The following CAMK1D variants were observed in gnomAD, a reference collection of about 807,000 sequenced individuals.
CAMK1D encodes calcium/calmodulin-dependent protein kinase type 1D.
Under a neutral mutation model 47.7 loss-of-function variants are expected in CAMK1D, and 9 were observed. The observed-to-expected ratio is 0.19, with a 90% CI of 0.11 to 0.33. The LOEUF is 0.33. Ranked by LOEUF, CAMK1D falls within the 10% of genes least tolerant of loss-of-function variation. The pLI, the probability that CAMK1D is intolerant of heterozygous loss-of-function variation, is 1.00. For missense variants in CAMK1D, 291 were observed against 488.7 expected, an observed-to-expected ratio of 0.60 and a Z score of 3.81; for synonymous variants, 184 against 184.9, an observed-to-expected ratio of 0.99 and a Z score of 0.04.
At chr10:12,501,778 C>T (rs905244265) in intron 1 of CAMK1D, among the ~76,000 whole-genome samples, 3 of 152,118 alleles carry the variant, frequency 2.0e-5, no homozygotes, top group African/African-American at 7.2e-5. Flanking sequence ...AGCACAGCCT[C>T]CCCACCCTAA....
At chr10:12,809,961 C>T (rs1249920812) in intron 6 of CAMK1D, among the ~76,000 whole-genome samples, 1 of 151,542 alleles carries the variant, frequency 6.6e-6, no homozygotes, top group Non-Finnish European at 1.5e-5. Context: ...CAGCCTAGGC[C>T]ACATGGCAAA....
At chr10:12,670,708 C>G (rs977648714) in intron 3 of CAMK1D, among the ~76,000 whole-genome samples, 3 of 152,040 alleles carry the variant, frequency 2.0e-5, no homozygotes. Flanking sequence ...CCACCATGCC[C>G]AGCTATTTTT....
intron 2 of CAMK1D, among the ~76,000 whole-genome samples, chr10:12,616,939 T>C (rs1246155843): frequency 6.6e-6 from 1 of 152,154 alleles, no homozygotes; most frequent in Non-Finnish European, 1.5e-5. Context: ...GTGGCATTTA[T>C]TCGGTGAAGT....
At chr10:12,477,784 AG>A (rs372468091) in intron 1 of CAMK1D, among the ~76,000 whole-genome samples, 1 of 152,134 alleles carries the variant, frequency 6.6e-6, no homozygotes, top group African/African-American at 2.4e-5. Flanking sequence ...CAGAGGGGAA[AG>A]GTGATTGACA....
At chr10:12,692,248 C>T (rs147304464) in intron 3 of CAMK1D, among the ~76,000 whole-genome samples, 2 of 152,272 alleles carry the variant, frequency 1.3e-5, no homozygotes, top group East Asian at 1.9e-4. Flanking sequence ...TCACCTGCTT[C>T]TTCTGTTGTG....
At chr10:12,559,076 G>A (rs925997678) in intron 2 of CAMK1D, among the ~76,000 whole-genome samples, 2 of 152,098 alleles carry the variant, frequency 1.3e-5, no homozygotes, top group Non-Finnish European at 2.9e-5. Context: ...GGGAGGCTGA[G>A]GCAGGAGGAT....
chr10:12,655,200 T>G (rs1303605757), intron 2 of CAMK1D, among the ~76,000 whole-genome samples: 1 of 151,924 alleles, frequency 6.6e-6, no homozygotes, highest in Non-Finnish European at 1.5e-5. Flanking sequence ...AAACTTACAC[T>G]CATGATGGAA....
Position 12,500,640 on chromosome 10 carries a change from C to T in CAMK1D, c.93-52585C>T, listed in dbSNP as rs142494576. On this transcript the variant is annotated intron_variant, in intron 1 of 10. Coordinates refer to ENST00000619168, the MANE Select transcript of CAMK1D (RefSeq NM_153498.4). ...CCACCCTTTGCCTTGTGACCTTGGA[C>T]GAGTTGCTGAACCTTTCTGGGCTTC... Among the ~76,000 whole-genome samples the T allele has an allele frequency of 1.1e-3, 165 of 152,284 alleles. 1 individual carries two copies. Among genetic ancestry groups the T allele is most frequent in the Middle Eastern group, 3.4e-3 (1 of 294 alleles).
At chr10:12,632,993 G>C (rs1026123820) in intron 2 of CAMK1D, among the ~76,000 whole-genome samples, 1 of 152,142 alleles carries the variant, frequency 6.6e-6, no homozygotes, top group Non-Finnish European at 1.5e-5. Flanking sequence ...GCGCCTGGCT[G>C]AGTGTCCTGT....
chr10:12,401,268 ATTATG>A lies in CAMK1D; in HGVS notation c.92+51360_92+51364del, dbSNP rs1300776970. On this transcript the variant is annotated intron_variant, in intron 1 of 10. Coordinates refer to ENST00000619168, the MANE Select transcript of CAMK1D (RefSeq NM_153498.4). ...TATATATAATATATGTATTATATAT[ATTATG>A]TATATATTTTATATATATATAATAT... 5.0e-5 allele frequency among the ~76,000 whole-genome samples: 2 copies of A among 40,140 alleles called. 1 individual carries two copies. The highest frequency in any genetic ancestry group is 8.5e-5 in the Non-Finnish European group (2 of 23,496). The allele number at this position is 40,140 out of a possible 152,430, so 26.3% of individuals were successfully genotyped here. A position where few individuals can be genotyped will look rare whatever the true frequency, so the allele number is the denominator to read the frequency against.
At chr10:12,766,597 AT>A (rs1183345968) in intron 4 of CAMK1D, among the ~76,000 whole-genome samples, 1 of 152,108 alleles carries the variant, frequency 6.6e-6, no homozygotes, top group African/African-American at 2.4e-5. Context: ...AGAAAAAAAA[AT>A]AATAATTTAT....
At chr10:12,742,161 G>A (rs1162110645) in intron 3 of CAMK1D, among the ~76,000 whole-genome samples, 2 of 152,176 alleles carry the variant, frequency 1.3e-5, no homozygotes, top group African/African-American at 4.8e-5. Context: ...TTTTAGACAG[G>A]GTCTCGCTCT....
chr10:12,353,519 C>A (rs569938830), intron 1 of CAMK1D, among the ~76,000 whole-genome samples: 2 of 152,058 alleles, frequency 1.3e-5, no homozygotes, highest in African/African-American at 4.8e-5. Context: ...GTTAGAGGGA[C>A]CTTGCTGGAG....
chr10:12,442,809 C>T (rs1223917491), intron 1 of CAMK1D, among the ~76,000 whole-genome samples: 3 of 152,044 alleles, frequency 2.0e-5, no homozygotes, highest in East Asian at 1.9e-4. Context: ...AAGTGAAAAC[C>T]GACTTCATCC....
chr10:12,694,085 AT>A lies in CAMK1D; in HGVS notation c.299+27276del, dbSNP rs1833075964. Among the ~76,000 whole-genome samples, 3 of 46,844 alleles carry A rather than the reference AT, an allele frequency of 6.4e-5. 1 individual carries two copies. The highest frequency in any genetic ancestry group is 1.1e-4 in the Non-Finnish European group (3 of 27,916). The allele number at this position is 46,844 out of a possible 152,430, so 30.7% of individuals were successfully genotyped here. A position where few individuals can be genotyped will look rare whatever the true frequency, so the allele number is the denominator to read the frequency against. ...ATATAATATATAAAAAATATTATGT[AT>A]AATATATATTATATAATATATAATA... On this transcript the variant is annotated intron_variant, in intron 3 of 10. Transcript: ENST00000619168.
At chr10:12,397,234 T>C (rs1347710514) in intron 1 of CAMK1D, among the ~76,000 whole-genome samples, 1 of 152,166 alleles carries the variant, frequency 6.6e-6, no homozygotes, top group Non-Finnish European at 1.5e-5. Context: ...ACATAAGAGC[T>C]GAAAATGAGC....
chr10:12,380,578 C>T (rs1439629606), intron 1 of CAMK1D, among the ~76,000 whole-genome samples: 1 of 152,204 alleles, frequency 6.6e-6, no homozygotes, highest in Non-Finnish European at 1.5e-5. Context: ...CATTTCTCAG[C>T]TGGGCGCAGT....
chr10:12,768,136 G>A (rs1218187944), intron 4 of CAMK1D, among the ~76,000 whole-genome samples: 1 of 152,194 alleles, frequency 6.6e-6, no homozygotes, highest in Non-Finnish European at 1.5e-5. Context: ...GCCTCCAAAA[G>A]TGCTGGGATT....
intron 2 of CAMK1D, among the ~76,000 whole-genome samples, chr10:12,618,766 A>C (rs1383640347): frequency 6.6e-6 from 1 of 152,246 alleles, no homozygotes; most frequent in Non-Finnish European, 1.5e-5. Context: ...CGTAGGAAGA[A>C]GGCAACAAAA....
Sources: allele counts gnomAD v4.1 joint callset (sites outside exome capture counted in the v4.1 genomes callset), GRCh38; gene constraint gnomAD v4.1.1; transcripts MANE v1.5; gene names NCBI Gene and HGNC (gene_info 2026-07-23, HGNC 2026-07-21).